Variants in SYNPO2 observed in about 807,000 individuals in gnomAD.
SYNPO2 encodes synaptopodin-2.
SYNPO2 carries 56 observed loss-of-function variants against 85.0 expected under a neutral mutation model. The ratio of observed to expected loss-of-function variants is 0.66; its 90% CI spans 0.53 to 0.82. The LOEUF is 0.82. SYNPO2 is among the 40% of genes least tolerant of loss of function. The pLI is 0.00. For synonymous variants in SYNPO2, 602 were observed against 591.1 expected, an observed-to-expected ratio of 1.02 and a Z score of -0.27; for missense variants, 1,575 against 1,534.2, an observed-to-expected ratio of 1.03 and a Z score of -0.44.
upstream of SYNPO2, among the ~76,000 whole-genome samples, chr4:118,885,695 G>A (rs188358350): frequency 2.9e-4 from 44 of 152,078 alleles, no homozygotes; most frequent in Non-Finnish European, 5.9e-4. Context: ...CTGGTCTTGA[G>A]CTCCTGACCT....
chr4:118,936,603 T>C (rs1296315777), intron 1 of SYNPO2, among the ~76,000 whole-genome samples: 1 of 152,208 alleles, frequency 6.6e-6, no homozygotes, highest in East Asian at 1.9e-4. Flanking sequence ...GTACACAGCC[T>C]GGAGCATTTT....
At chr4:118,890,104 G>A (rs1445783791) in intron 1 of SYNPO2, among the ~76,000 whole-genome samples, 1 of 147,164 alleles carries the variant, frequency 6.8e-6, no homozygotes, top group Admixed American at 6.7e-5. Context: ...TGTAGTTATT[G>A]TTTGTTTCCC....
chr4:118,867,881 C>A (rs75378402), intron 1 of SYNPO2, among the ~76,000 whole-genome samples: 1 of 151,790 alleles, frequency 6.6e-6, no homozygotes, highest in East Asian at 1.9e-4. Flanking sequence ...AAGATGAATT[C>A]GGAAAAAATG....
chr4:118,970,099 ATGTACT>A (rs1271114517), intron 1 of SYNPO2, among the ~76,000 whole-genome samples: 1 of 152,208 alleles, frequency 6.6e-6, no homozygotes, highest in Non-Finnish European at 1.5e-5. Context: ...CTTCTTGGAA[ATGTACT>A]TGTAATTTGT....
intron 1 of SYNPO2, among the ~76,000 whole-genome samples, chr4:118,981,780 T>C (rs1188542955): frequency 6.6e-6 from 1 of 152,214 alleles, no homozygotes; most frequent in Non-Finnish European, 1.5e-5. Flanking sequence ...CTATGTCTTT[T>C]GGGGCCTTCT....
intron 1 of SYNPO2, among the ~76,000 whole-genome samples, chr4:118,896,130 A>T (rs1197814032): frequency 1.3e-5 from 2 of 152,238 alleles, no homozygotes; most frequent in Non-Finnish European, 2.9e-5. Flanking sequence ...GTCAGCCTGG[A>T]TAAAAAGAAC....
At chr4:118,980,793 G>A (rs1274260957) in intron 1 of SYNPO2, among the ~76,000 whole-genome samples, 2 of 152,224 alleles carry the variant, frequency 1.3e-5, no homozygotes, top group Non-Finnish European at 2.9e-5. Context: ...GAGGGAAAGA[G>A]GACGCTGCCT....
At chr4:118,971,194 G>T (rs569462360) in intron 1 of SYNPO2, among the ~76,000 whole-genome samples, 1 of 152,290 alleles carries the variant, frequency 6.6e-6, no homozygotes, top group African/African-American at 2.4e-5. Context: ...TCTTAAGTTA[G>T]CTGTTTTGGC....
At chr4:118,878,907 G>A (rs1177290652) in intron 1 of SYNPO2, among the ~76,000 whole-genome samples, 1 of 152,150 alleles carries the variant, frequency 6.6e-6, no homozygotes, top group Non-Finnish European at 1.5e-5. Context: ...TTCTCTCTCT[G>A]CAGTAAATCC....
At chr4:119,032,684 C>T (rs1738332657) in intron 4 of SYNPO2, 6 of 979,866 alleles carry the variant, frequency 6.1e-6, no homozygotes, top group Non-Finnish European at 7.3e-6. Context: ...GGTTCTTTGC[C>T]AGATGTTTTT....
At chr4:119,007,361 A>G (rs1477646985) in intron 1 of SYNPO2, among the ~76,000 whole-genome samples, 1 of 145,052 alleles carries the variant, frequency 6.9e-6, no homozygotes, top group Non-Finnish European at 1.5e-5. Context: ...ACTGGAAGGC[A>G]TGGGAGAAAA....
At position 119,024,538 on chromosome 4, in the gene SYNPO2, A is replaced by G. The variant is rs183889080; in HGVS notation, c.257+957A>G. Among the ~76,000 whole-genome samples, 5 of 152,330 alleles carry G rather than the reference A, an allele frequency of 3.3e-5. No homozygotes were observed. The East Asian group carries it at 7.7e-4, about 23-fold the overall frequency. On this transcript the variant is annotated intron_variant, in intron 2 of 4. Transcript: ENST00000307142. ...TCACTATGGCCAAAATCTTGAGACA[A>G]CAATGGAAATCTAGCATTATTCTTA...
intron 1 of SYNPO2, among the ~76,000 whole-genome samples, chr4:118,962,693 T>C (rs1735148258): frequency 6.6e-6 from 1 of 152,194 alleles, no homozygotes; most frequent in Admixed American, 6.6e-5. Context: ...CTAGGGAGAT[T>C]GGCAAAATCA....
chr4:118,992,022 G>A (rs974477779), intron 1 of SYNPO2, among the ~76,000 whole-genome samples: 15 of 152,124 alleles, frequency 9.9e-5, no homozygotes, highest in Admixed American at 2.6e-4. Context: ...AGTCTGACAC[G>A]GTCTAAGAAT....
intron 1 of SYNPO2, among the ~76,000 whole-genome samples, chr4:118,960,646 C>A (rs558837970): frequency 1.3e-5 from 2 of 152,242 alleles, no homozygotes; most frequent in South Asian, 4.2e-4. Flanking sequence ...GCTTGAATAT[C>A]TAATGGGCGT....
intron 1 of SYNPO2, among the ~76,000 whole-genome samples, chr4:118,914,768 A>G (rs1417859455): frequency 6.6e-6 from 1 of 152,108 alleles, no homozygotes; most frequent in Non-Finnish European, 1.5e-5. Flanking sequence ...AAACAGGAAG[A>G]GTGAAGATGG....
Position 119,007,253 on chromosome 4 carries a change from CATAT to C in SYNPO2, c.106-16158_106-16155del, listed in dbSNP as rs59327133. Among the ~76,000 whole-genome samples the C allele has an allele frequency of 8.7e-4, 33 of 38,128 alleles. 3 individuals carry two copies. The highest frequency in any genetic ancestry group is 2.1e-3 in the African/African-American group (22 of 10,424). The allele number at this position is 38,128 out of a possible 152,430, so 25.0% of individuals were successfully genotyped here. On this transcript the variant is annotated intron_variant, in intron 1 of 4. Transcript: ENST00000307142. ...ATATATATATATATATATGTATATACATATATATATATATATATATATGTATATA... is the reference window on the plus strand; with the variant it reads ...ATATATATATATATATATGTATATACATATATATATATATATATGTATATA...
intron 1 of SYNPO2, among the ~76,000 whole-genome samples, chr4:118,922,151 C>A (rs1004300369): frequency 6.6e-6 from 1 of 152,086 alleles, no homozygotes; most frequent in Non-Finnish European, 1.5e-5. Flanking sequence ...TAAAAAATGC[C>A]TCCTTGTACT....
At chr4:118,872,512 T>C (rs1731821302) in intron 1 of SYNPO2, among the ~76,000 whole-genome samples, 1 of 152,240 alleles carries the variant, frequency 6.6e-6, no homozygotes, top group Admixed American at 6.5e-5. Flanking sequence ...AGAATAGTTT[T>C]TTTTAAGTTA....
Sources: gnomAD v4.1 joint callset for allele counts (sites outside exome capture counted in the v4.1 genomes callset) on GRCh38, gnomAD v4.1.1 for gene constraint, MANE v1.5 for transcripts, NCBI Gene and HGNC (gene_info 2026-07-23, HGNC 2026-07-21) for gene names.